Variants in PCDH15 observed in about 807,000 individuals in gnomAD.
The protein encoded by PCDH15 is protocadherin-15.
In PCDH15, 129 loss-of-function variants were observed where a neutral mutation model predicts 178.5. The ratio of observed to expected loss-of-function variants is 0.72; its 90% CI spans 0.63 to 0.84. The LOEUF (loss-of-function observed/expected upper bound fraction) is 0.84, where lower values mean the gene tolerates loss of function less well. Among genes scored for constraint, PCDH15 ranks in the 40% least tolerant of loss-of-function variants. The pLI is 0.00. For synonymous variants in PCDH15, 800 were observed against 732.0 expected (o/e 1.09, Z -1.50); for missense variants, 2,230 against 2,099.9 (o/e 1.06, Z -1.21).
chr10:55,430,950 C>G (rs1470359481), intron 2 of PCDH15, among the ~76,000 whole-genome samples: 1 of 152,134 alleles, frequency 6.6e-6, no homozygotes, highest in South Asian at 2.1e-4. Flanking sequence ...GACTCCACAT[C>G]AAGATTAACT....
intron 2 of PCDH15, among the ~76,000 whole-genome samples, chr10:55,361,435 A>G (rs921620581): frequency 1.3e-5 from 2 of 152,194 alleles, no homozygotes; most frequent in East Asian, 1.9e-4. Flanking sequence ...GTAATCTATA[A>G]CACTGAATAT....
chr10:55,461,479 A>G (rs944198960), intron 2 of PCDH15, among the ~76,000 whole-genome samples: 5 of 152,136 alleles, frequency 3.3e-5, no homozygotes, highest in East Asian at 3.9e-4. Flanking sequence ...TTTTGGGGGG[A>G]AAACATTTTA....
intron 9 of PCDH15, among the ~76,000 whole-genome samples, chr10:54,221,680 C>G (rs114168939): frequency 0.039 from 5,944 of 151,796 alleles, 171 homozygotes; most frequent in Middle Eastern, 0.092. Context: ...TTGGCTCACT[C>G]CAACTTCTGC....
chr10:54,532,399 T>C (rs2084018287), intron 2 of PCDH15, among the ~76,000 whole-genome samples: 1 of 152,160 alleles, frequency 6.6e-6, no homozygotes, highest in African/African-American at 2.4e-5. Flanking sequence ...CAAAATAGTT[T>C]TTGATCCCTT....
intron 1 of PCDH15, among the ~76,000 whole-genome samples, chr10:55,237,192 G>T (rs1804832694): frequency 6.6e-6 from 1 of 152,082 alleles, no homozygotes; most frequent in African/African-American, 2.4e-5. Flanking sequence ...TTTGAGGGAT[G>T]AAATCGGCTG....
At chr10:54,522,824 A>G (rs2083011917) in intron 3 of PCDH15, among the ~76,000 whole-genome samples, 1 of 152,246 alleles carries the variant, frequency 6.6e-6, no homozygotes, top group Non-Finnish European at 1.5e-5. Flanking sequence ...AGGGAAGGAG[A>G]GAATTGCAAG....
intron 2 of PCDH15, among the ~76,000 whole-genome samples, chr10:54,556,329 G>T (rs1037407704): frequency 1.3e-5 from 2 of 151,834 alleles, no homozygotes; most frequent in Non-Finnish European, 2.9e-5. Flanking sequence ...AGGCACCCAG[G>T]TACCTTATAC....
intron 21 of PCDH15, among the ~76,000 whole-genome samples, chr10:53,991,954 C>A (rs377098019): frequency 6.6e-6 from 1 of 152,100 alleles, no homozygotes; most frequent in Non-Finnish European, 1.5e-5. Flanking sequence ...AGCCGCAACC[C>A]GCTCGGGTCC....
At chr10:55,229,485 G>C (rs953770521) in intron 1 of PCDH15, among the ~76,000 whole-genome samples, 4 of 151,718 alleles carry the variant, frequency 2.6e-5, no homozygotes, top group African/African-American at 9.7e-5. Context: ...AAATTTCTCG[G>C]TATGTATATA....
At chr10:55,268,430 C>A (rs185261739) in intron 1 of PCDH15, among the ~76,000 whole-genome samples, 2 of 152,106 alleles carry the variant, frequency 1.3e-5, no homozygotes, top group East Asian at 3.9e-4. Flanking sequence ...TCAACATATC[C>A]AAAGTGATTT....
chr10:54,147,523 G>T (rs971364377), intron 14 of PCDH15, among the ~76,000 whole-genome samples: 4 of 151,728 alleles, frequency 2.6e-5, no homozygotes, highest in Non-Finnish European at 5.9e-5. Context: ...AGGAATATAA[G>T]ATCTCATTCA....
intron 3 of PCDH15, among the ~76,000 whole-genome samples, chr10:54,402,629 T>C (rs1283537647): frequency 1.3e-5 from 2 of 152,028 alleles, no homozygotes; most frequent in East Asian, 3.9e-4. Context: ...TCATGCAATA[T>C]TTCAAATTTT....
intron 13 of PCDH15, among the ~76,000 whole-genome samples, chr10:54,163,749 A>T (rs1353210303): frequency 6.6e-6 from 1 of 152,160 alleles, no homozygotes; most frequent in African/African-American, 2.4e-5. Flanking sequence ...AGTAGGGAAC[A>T]TTCTTTTTCA....
At position 53,803,890 on chromosome 10, in the gene PCDH15, A is replaced by G. The variant is rs1333795759; in HGVS notation, c.*2689T>C. 2 of 151,862 alleles carry G rather than the reference A, an allele frequency of 1.3e-5. No homozygotes were observed. Among genetic ancestry groups the G allele is most frequent in the East Asian group, 1.9e-4 (1 of 5,174 alleles). The allele number at this position is 151,862 out of a possible 1,614,324, so 9.4% of individuals were successfully genotyped here. A position where few individuals can be genotyped will look rare whatever the true frequency, so the allele number is the denominator to read the frequency against. On this transcript the variant is annotated 3_prime_UTR_variant, in exon 38 of 38. Coordinates refer to ENST00000644397, the MANE Select transcript of PCDH15 (RefSeq NM_001384140.1). ...GAGAACAACAAGAAAACCTTCCTAC[A>G]CCTTCCTAGGAAAAATAACAACCAA...
At chr10:54,102,251 A>G (rs943203134) in intron 15 of PCDH15, among the ~76,000 whole-genome samples, 8 of 152,226 alleles carry the variant, frequency 5.3e-5, no homozygotes, top group Non-Finnish European at 1.2e-4. Flanking sequence ...CTATCTGCCC[A>G]TGAAGGCAGG....
intron 2 of PCDH15, among the ~76,000 whole-genome samples, chr10:54,537,207 G>A (rs1331223635): frequency 6.6e-6 from 1 of 151,950 alleles, no homozygotes; most frequent in Non-Finnish European, 1.5e-5. Context: ...CACCGTGTTA[G>A]CCAGGATGGT....
rs1841173109 is a variant in PCDH15 at position 53,806,557 on chromosome 10, A to AAAAT, written c.*18_*21dup. The stretch of plus-strand genomic sequence containing the variant: ...TTAAAAATGTAAGTAAAAATTAATT[A>AAAAT]AAATATCTTTTAAAAAATTGGTCAC... On this transcript the variant is annotated 3_prime_UTR_variant, in exon 38 of 38. Coordinates refer to ENST00000644397, the MANE Select transcript of PCDH15 (RefSeq NM_001384140.1). 3 of 1,525,218 alleles carry AAAAT rather than the reference A, an allele frequency of 2.0e-6. No homozygotes were observed. The highest frequency in any genetic ancestry group is 1.8e-6 in the Non-Finnish European group (2 of 1,128,262). 94.5% of individuals were successfully genotyped at this position (1,525,218 alleles called of 1,614,324 possible). A position where few individuals can be genotyped will look rare whatever the true frequency, so the allele number is the denominator to read the frequency against.
At chr10:54,834,946 G>A (rs1953289638) in intron 3 of PCDH15, among the ~76,000 whole-genome samples, 1 of 152,136 alleles carries the variant, frequency 6.6e-6, no homozygotes, top group Non-Finnish European at 1.5e-5. Context: ...TAAAAAATCT[G>A]CTGAGGATCT....
intron 21 of PCDH15, chr10:53,994,564 CAG>C (rs1409527693): frequency 1.3e-5 from 2 of 152,024 alleles, no homozygotes; most frequent in African/African-American, 4.8e-5. Context: ...ACTTAAAAAA[CAG>C]AAAAATTGCC....
Sources: allele counts gnomAD v4.1 joint callset (sites outside exome capture counted in the v4.1 genomes callset), GRCh38; gene constraint gnomAD v4.1.1; transcripts MANE v1.5; gene names NCBI Gene and HGNC (gene_info 2026-07-23, HGNC 2026-07-21).